Variants in RANBP9 observed in about 807,000 individuals in gnomAD.
RANBP9 encodes the protein RAN binding protein 9.
Under a neutral mutation model 84.3 loss-of-function variants are expected in RANBP9, and 15 were observed. The ratio of observed to expected loss-of-function variants is 0.18; its 90% CI spans 0.12 to 0.27. The LOEUF is 0.27. RANBP9 is among the 10% of genes least tolerant of loss of function. The pLI, the probability that RANBP9 is intolerant of heterozygous loss-of-function variation, is 1.00. For synonymous variants in RANBP9, 392 were observed against 349.6 expected (o/e 1.12, Z -1.35); for missense variants, 809 against 912.8 (o/e 0.89, Z 1.46).
At chr6:13,638,867 G>A (rs573036685) in intron 9 of RANBP9, among the ~76,000 whole-genome samples, 14 of 152,110 alleles carry the variant, frequency 9.2e-5, no homozygotes, top group Non-Finnish European at 1.9e-4. Flanking sequence ...GGTGGGGGGA[G>A]AGGAGGGAGG....
In RANBP9 at chr6:13,622,300, G is replaced by A; in HGVS notation, c.*62C>T. 5.1e-6 allele frequency: 7 copies of A among 1,384,792 alleles called. No homozygotes were observed. The highest frequency in any genetic ancestry group is 6.6e-6 in the Non-Finnish European group (7 of 1,056,460). 85.8% of individuals were successfully genotyped at this position (1,384,792 alleles called of 1,614,324 possible). On this transcript the variant is annotated 3_prime_UTR_variant, in exon 14 of 14. Transcript: ENST00000011619. ...AAAATCTAAATTTCAAATCAGCAGA[G>A]CTGGTCTACTTCCATGTTGACTATA...
In RANBP9 at chr6:13,658,700, A is replaced by G. The variant is rs990734013; in HGVS notation, c.736+80T>C. The G allele has an allele frequency of 2.3e-5, 27 of 1,152,510 alleles. No homozygotes were observed. In the African/African-American group the frequency reaches 3.7e-4, roughly 16 times the overall value. The allele number at this position is 1,152,510 out of a possible 1,614,324, so 71.4% of individuals were successfully genotyped here. On this transcript the variant is annotated intron_variant, in intron 3 of 13. Transcript: ENST00000011619. ...ACACAGAAAATCAGTATCTTTAAAT[A>G]TTACAATTTCTTACTTGAAAAATTT...
intron 1 of RANBP9, among the ~76,000 whole-genome samples, chr6:13,699,379 A>C (rs560125457): frequency 1.1e-4 from 16 of 152,186 alleles, no homozygotes; most frequent in Non-Finnish European, 2.2e-4. Flanking sequence ...GTATAAGGAA[A>C]AGTTTAAATG....
At position 13,655,718 on chromosome 6, in the gene RANBP9, C is replaced by A. The variant is rs148316418; in HGVS notation, c.904+1391G>T. 3.8e-3 allele frequency among the ~76,000 whole-genome samples: 575 copies of A among 152,154 alleles called. 3 individuals are homozygous for A. The highest frequency in any genetic ancestry group is 0.013 in the African/African-American group (560 of 41,548). On this transcript the variant is annotated intron_variant, in intron 4 of 13. Coordinates refer to ENST00000011619, the MANE Select transcript of RANBP9 (RefSeq NM_005493.3). ...TATGTTAAAGAGATTGTGGTTTTTT[C>A]AAAATGTATTTTTTGGTTTTTGAGC...
chr6:13,648,071 C>CATAGA (rs951454207), intron 5 of RANBP9, among the ~76,000 whole-genome samples: 1 of 151,290 alleles, frequency 6.6e-6, no homozygotes, highest in Admixed American at 6.6e-5. Context: ...TACTTTCTAA[C>CATAGA]TCTATGGATC....
Position 13,634,478 on chromosome 6 carries a change from C to T in RANBP9, c.1748G>A (p.Gly583Asp). ...GETSSNGFLN[G>D]SSKHDHEMED... ...CATTTCGTGGTCATGTTTAGAGCTA[C>T]CATTTAGGAAACCATTGGATGAAGT... The change falls in exon 11 of 14, where the codon GGT becomes GAT. Residue 583 changes from glycine to aspartate, a missense_variant. Gly to Asp is a moderately conservative substitution (Grantham distance 94). Around this residue, in one of 5 missense-constraint regions of RANBP9, gnomAD observed 233 missense variants for 234.4 expected, o/e 0.99. Transcript: ENST00000011619. 6.2e-7 allele frequency: 1 copy of T among 1,613,666 alleles called. No homozygotes were observed. The highest frequency in any genetic ancestry group is 8.5e-7 in the Non-Finnish European group (1 of 1,179,712).
chr6:13,656,730 TC>T lies in RANBP9; in HGVS notation c.904+378del, dbSNP rs1765408855. Reference sequence around the variant, plus strand: ...AAGCTTTCCCTTCCTTTGTTACTATTCCCCACACTATCCTAACAACTGACTG... The same window carrying T: ...AAGCTTTCCCTTCCTTTGTTACTATTCCCACACTATCCTAACAACTGACTG... On this transcript the variant is annotated intron_variant, in intron 4 of 13. Transcript: ENST00000011619. 2.6e-5 allele frequency among the ~76,000 whole-genome samples: 4 copies of T among 152,128 alleles called. No homozygotes were observed. The South Asian group carries it at 6.2e-4, about 24-fold the overall frequency.
intron 13 of RANBP9, among the ~76,000 whole-genome samples, chr6:13,624,185 C>T (rs552594815): frequency 6.6e-6 from 1 of 152,306 alleles, no homozygotes; most frequent in East Asian, 1.9e-4. Flanking sequence ...GACACTACTC[C>T]TATTCCCAAA....
At chr6:13,623,862 A>G (rs1195023537) in intron 13 of RANBP9, among the ~76,000 whole-genome samples, 1 of 152,208 alleles carries the variant, frequency 6.6e-6, no homozygotes, top group African/African-American at 2.4e-5. Context: ...GTAAGAGTAT[A>G]TGTGTCTATA....
intron 7 of RANBP9, among the ~76,000 whole-genome samples, chr6:13,641,838 T>A (rs1765071001): frequency 6.6e-6 from 1 of 152,230 alleles, no homozygotes; most frequent in African/African-American, 2.4e-5. Flanking sequence ...CAACCCAATG[T>A]AATCAGTGCT....
chr6:13,671,422 T>A (rs893499597), intron 2 of RANBP9, among the ~76,000 whole-genome samples: 11 of 152,322 alleles, frequency 7.2e-5, no homozygotes, highest in African/African-American at 2.6e-4. Context: ...ATGTGATATA[T>A]TAATACAATG....
intron 10 of RANBP9, among the ~76,000 whole-genome samples, chr6:13,637,043 A>G (rs1021950101): frequency 2.0e-4 from 31 of 152,210 alleles, no homozygotes; most frequent in African/African-American, 6.8e-4. Flanking sequence ...GTCCTGGATG[A>G]TTTGGGCAGG....
intron 1 of RANBP9, 110 bp from the exon 2 acceptor site, chr6:13,697,006 G>A (rs1403172317): frequency 3.6e-6 from 3 of 824,990 alleles, no homozygotes; most frequent in Non-Finnish European, 5.6e-6. Context: ...TATTATTTCT[G>A]CTCCTATCAG....
chr6:13,632,455 A>G lies in RANBP9; in HGVS notation c.1862T>C (p.Ile621Thr). ...GGSQAAIERMIHFGRELQAMS... is the reference protein window; with the variant it reads ...GGSQAAIERMTHFGRELQAMS... ...TGCTTGCAGCTCTCGTCCAAAGTGGATCATTCTTTCTATGGCGGCCTGACT... is the reference window on the plus strand; with the variant it reads ...TGCTTGCAGCTCTCGTCCAAAGTGGGTCATTCTTTCTATGGCGGCCTGACT... The change falls in exon 12 of 14, where the codon ATC becomes ACC. Residue 621 changes from isoleucine (I) to threonine (T), a missense_variant. Ile to Thr is a moderately conservative substitution (Grantham distance 89). Transcript: ENST00000011619. The G allele has an allele frequency of 6.2e-7, 1 of 1,613,940 alleles. No homozygotes were observed. Among genetic ancestry groups the G allele is most frequent in the Non-Finnish European group, 8.5e-7 (1 of 1,179,904 alleles).
At chr6:13,642,181 T>C (rs1221511032) in intron 7 of RANBP9, among the ~76,000 whole-genome samples, 1 of 152,194 alleles carries the variant, frequency 6.6e-6, no homozygotes, top group Non-Finnish European at 1.5e-5. Flanking sequence ...TATTTTTAAA[T>C]CTTTTTATTA....
At chr6:13,636,574 G>A (rs1207704700) in intron 10 of RANBP9, among the ~76,000 whole-genome samples, 1 of 152,030 alleles carries the variant, frequency 6.6e-6, no homozygotes, top group Non-Finnish European at 1.5e-5. Flanking sequence ...CTCAAACATT[G>A]GCAAGAGCCT....
chr6:13,710,214 A>G (rs1584954683), intron 1 of RANBP9, among the ~76,000 whole-genome samples: 1 of 152,138 alleles, frequency 6.6e-6, no homozygotes, highest in African/African-American at 2.4e-5. Context: ...TCAAAATACT[A>G]AGCTGCATTT....
chr6:13,711,641 G>T lies in RANBP9; in HGVS notation c.-136C>A. The stretch of plus-strand genomic sequence containing the variant: ...CCCGGAAGCAGGCGGCGGGCCGCGC[G>T]CCCAGGGAGACCGCGGCGGTTGAGG... On this transcript the variant is annotated 5_prime_UTR_variant, in exon 1 of 14. Transcript: ENST00000011619. 1.3e-6 allele frequency: 1 copy of T among 798,414 alleles called. No homozygotes were observed. Among genetic ancestry groups the T allele is most frequent in the Non-Finnish European group, 1.6e-6 (1 of 610,084 alleles). 49.5% of individuals were successfully genotyped at this position (798,414 alleles called of 1,614,324 possible).
At chr6:13,682,748 T>C (rs1298241740) in intron 2 of RANBP9, among the ~76,000 whole-genome samples, 4 of 152,208 alleles carry the variant, frequency 2.6e-5, no homozygotes, top group Non-Finnish European at 5.9e-5. Flanking sequence ...TGTATCAAGA[T>C]ATTCTAGGCT....
Sources: allele counts gnomAD v4.1 joint callset (sites outside exome capture counted in the v4.1 genomes callset), GRCh38; gene constraint gnomAD v4.1.1; regional missense constraint gnomAD v4.1.1; transcripts MANE v1.5; gene names NCBI Gene and HGNC (gene_info 2026-07-23, HGNC 2026-07-21).